COP1: variants seen among roughly 807,000 people sequenced by gnomAD.
COP1 encodes the protein E3 ubiquitin-protein ligase COP1.
A neutral mutation model predicts 101.3 loss-of-function variants in COP1; 24 were observed. The ratio of observed to expected loss-of-function variants is 0.24; its 90% confidence interval spans 0.17 to 0.33. The LOEUF (loss-of-function observed/expected upper bound fraction) is 0.33. Among genes scored for constraint, COP1 ranks in the 10% least tolerant of loss-of-function variants. The pLI is 1.00. For synonymous variants in COP1, 347 were observed against 341.9 expected (o/e 1.01, Z -0.17); for missense variants, 663 against 906.2 (o/e 0.73, Z 3.45).
intron 16 of COP1, 123 bp downstream of exon 16, chr1:175,989,239 A>G: frequency 1.9e-6 from 1 of 515,446 alleles, no homozygotes; most frequent in Non-Finnish European, 3.5e-6. Context: ...AAAATCTACT[A>G]TTTAAGAAAA....
intron 15 of COP1, among the ~76,000 whole-genome samples, chr1:176,010,331 A>G (rs1210915283): frequency 6.6e-6 from 1 of 152,216 alleles, no homozygotes; most frequent in East Asian, 1.9e-4. Context: ...GATATAATAT[A>G]CAATGCATCC....
At chr1:176,041,640 A>T (rs1670554901) in intron 14 of COP1, among the ~76,000 whole-genome samples, 1 of 152,130 alleles carries the variant, frequency 6.6e-6, no homozygotes, top group Non-Finnish European at 1.5e-5. Context: ...AGCATGAGCT[A>T]CCACGCCCGG....
At position 175,977,702 on chromosome 1, in the gene COP1, C is replaced by T. The variant is rs150505403; in HGVS notation, c.2133+9241G>A. On this transcript the variant is annotated intron_variant, in intron 18 of 19. Transcript: ENST00000367669. ...CTTTTCCCCAGACAATCTGTATATT[C>T]TTAAATTAGTAAAAAAACCTTTTTT... Among the ~76,000 whole-genome samples, 398 of 152,140 alleles carry T rather than the reference C, an allele frequency of 2.6e-3. 3 individuals are homozygous for T. The highest frequency in any genetic ancestry group is 9.1e-3 in the African/African-American group (380 of 41,538).
At chr1:176,000,400 G>C (rs1374356190) in intron 15 of COP1, among the ~76,000 whole-genome samples, 2 of 152,064 alleles carry the variant, frequency 1.3e-5, no homozygotes, top group Non-Finnish European at 2.9e-5. Context: ...TCAAAAATGA[G>C]TTCACTGTAG....
chr1:176,013,910 A>G (rs892173238), intron 15 of COP1, among the ~76,000 whole-genome samples: 6 of 152,234 alleles, frequency 3.9e-5, no homozygotes, highest in African/African-American at 1.4e-4. Flanking sequence ...TGTATGTTTT[A>G]CAGCTGTATG....
chr1:176,112,438 T>C (rs1572308203), intron 9 of COP1, among the ~76,000 whole-genome samples: 1 of 152,208 alleles, frequency 6.6e-6, no homozygotes, highest in African/African-American at 2.4e-5. Flanking sequence ...GAAAAGTTGC[T>C]ATATCATGGT....
intron 5 of COP1, among the ~76,000 whole-genome samples, chr1:176,161,834 C>T (rs1255340186): frequency 6.6e-6 from 1 of 152,160 alleles, no homozygotes; most frequent in Admixed American, 6.5e-5. Context: ...CTTATTTTGG[C>T]TGGCTCAACC....
intron 10 of COP1, among the ~76,000 whole-genome samples, chr1:176,084,742 G>A (rs1361284357): frequency 6.6e-6 from 1 of 152,072 alleles, no homozygotes; most frequent in Non-Finnish European, 1.5e-5. Context: ...TAATCGTGAG[G>A]CAAATTTGTC....
chr1:176,036,507 C>CAAAAAAAAAA (rs77138527), intron 14 of COP1, among the ~76,000 whole-genome samples: 9 of 127,314 alleles, frequency 7.1e-5, no homozygotes, highest in African/African-American at 2.7e-4. Context: ...AACAAAAAAA[C>CAAAAAAAAAA]AAAAAAAAAA....
chr1:176,077,665 T>C (rs1020157650), intron 11 of COP1, among the ~76,000 whole-genome samples: 1 of 152,050 alleles, frequency 6.6e-6, no homozygotes. Flanking sequence ...AATCTGTCAA[T>C]AGTAAGAAAT....
rs112993608 is a variant in COP1 at position 176,117,627 on chromosome 1, G to A, written c.969-946C>T. Among the ~76,000 whole-genome samples the A allele has an allele frequency of 6.8e-3, 1,028 of 152,230 alleles. 4 individuals are homozygous for A. Among genetic ancestry groups the A allele is most frequent in the Admixed American group, 0.012 (177 of 15,270 alleles). On this transcript the variant is annotated intron_variant, in intron 8 of 19. Transcript: ENST00000367669. The stretch of plus-strand genomic sequence containing the variant: ...AAACATGCTTAGGCTAGGCACGGTC[G>A]CTCACGCCTGTAATCCCAGCACTTT...
chr1:176,184,717 AT>A (rs61211796), intron 1 of COP1, 25 bp from the exon 2 acceptor site: 290 of 1,550,906 alleles, frequency 1.9e-4, no homozygotes, highest in African/African-American at 7.7e-4. Flanking sequence ...AAAATAATTG[AT>A]TTTTTTTTAA....
Position 176,206,787 on chromosome 1 carries a change from C to G in COP1, c.192G>C (p.Pro64=). The G allele has an allele frequency of 7.1e-7, 1 of 1,405,186 alleles. No individual in the cohort carries two copies. The highest frequency in any genetic ancestry group is 9.2e-7 in the Non-Finnish European group (1 of 1,090,302). 87.0% of individuals were successfully genotyped at this position (1,405,186 alleles called of 1,614,324 possible). ...QAAGSGGLGG[P]VRPVLVAPAV... ...CGGGCGCCACCAACACAGGCCGCAC[C>G]GGGCCCCCGAGGCCGCCCGAGCCGG... Residue 64 remains proline (P), a synonymous_variant, in exon 1 of 20, where the codon CCG becomes CCC. Transcript: ENST00000367669.
At chr1:176,159,365 A>G (rs888559144) in intron 5 of COP1, among the ~76,000 whole-genome samples, 1 of 152,214 alleles carries the variant, frequency 6.6e-6, no homozygotes, top group African/African-American at 2.4e-5. Context: ...ACACACAAAC[A>G]GCATTTGATA....
intron 15 of COP1, among the ~76,000 whole-genome samples, chr1:176,009,878 G>GGTT (rs1553217407): frequency 2.3e-4 from 1 of 4,400 alleles, no homozygotes; most frequent in Non-Finnish European, 5.6e-3. Flanking sequence ...TAGGTTACTT[G>GGTT]GGGGGGGGGG....
intron 9 of COP1, among the ~76,000 whole-genome samples, chr1:176,111,045 G>T (rs1021412736): frequency 3.3e-5 from 5 of 152,032 alleles, no homozygotes; most frequent in Non-Finnish European, 5.9e-5. Flanking sequence ...CCAGCTACTT[G>T]GGAGGCTGAG....
At chr1:176,140,654 G>A (rs954873820) in intron 6 of COP1, among the ~76,000 whole-genome samples, 4 of 152,104 alleles carry the variant, frequency 2.6e-5, no homozygotes, top group African/African-American at 9.7e-5. Context: ...GAACTTAGAA[G>A]AAAAGTCTGA....
chr1:175,974,536 A>C (rs1256306724), intron 18 of COP1, among the ~76,000 whole-genome samples: 6 of 152,212 alleles, frequency 3.9e-5, no homozygotes, highest in Non-Finnish European at 7.3e-5. Flanking sequence ...TCAAATGTTA[A>C]AACTGTATGA....
chr1:176,017,630 T>C (rs1571702858), intron 15 of COP1: 1 of 152,304 alleles, frequency 6.6e-6, no homozygotes, highest in African/African-American at 2.4e-5. Flanking sequence ...GTTCAAGCTA[T>C]TGTCATGCCT....
Sources: allele counts gnomAD v4.1 joint callset (sites outside exome capture counted in the v4.1 genomes callset), GRCh38; gene constraint gnomAD v4.1.1; transcripts MANE v1.5; gene names NCBI Gene and HGNC (gene_info 2026-07-23, HGNC 2026-07-21).